Variants in MAP2 observed in about 807,000 individuals in gnomAD.
MAP2 encodes the protein microtubule associated protein 2, also known as microtubule-associated protein 2.
A neutral mutation model predicts 137.6 loss-of-function variants in MAP2; 14 were observed. The observed-to-expected ratio is 0.10, with a 90% CI of 0.07 to 0.16. The LOEUF is 0.16. MAP2 is among the 10% of genes least tolerant of loss of function. The pLI is 1.00. For missense variants in MAP2, 2,088 were observed against 2,191.5 expected (o/e 0.95, Z 0.94); for synonymous variants, 786 against 782.3 (o/e 1.00, Z -0.08).
chr2:209,532,825 T>C (rs2065328711), intron 2 of MAP2, among the ~76,000 whole-genome samples: 1 of 152,180 alleles, frequency 6.6e-6, no homozygotes, highest in East Asian at 1.9e-4. Flanking sequence ...TTATTTTAAT[T>C]AGCCAACAAA....
chr2:209,593,619 CAAAAAA>C (rs781329429), intron 3 of MAP2, among the ~76,000 whole-genome samples: 2 of 2,932 alleles, frequency 6.8e-4, no homozygotes, highest in African/African-American at 1.3e-3. Flanking sequence ...CCTGTCTCTA[CAAAAAA>C]AAAAAAAAAA....
At chr2:209,477,332 G>GA (rs1275082580) in intron 1 of MAP2, among the ~76,000 whole-genome samples, 13 of 150,506 alleles carry the variant, frequency 8.6e-5, no homozygotes, top group Admixed American at 1.3e-4. Flanking sequence ...ATGTTATATT[G>GA]AAAAAAAAGC....
intron 2 of MAP2, among the ~76,000 whole-genome samples, chr2:209,535,856 TCTC>T (rs1252049233): frequency 3.9e-5 from 6 of 152,300 alleles, no homozygotes; most frequent in African/African-American, 1.4e-4. Flanking sequence ...CTCATTGTCT[TCTC>T]CTATAAGCTG....
At chr2:209,674,457 G>A (rs1014947977) in intron 5 of MAP2, among the ~76,000 whole-genome samples, 1 of 151,702 alleles carries the variant, frequency 6.6e-6, no homozygotes, top group African/African-American at 2.4e-5. Flanking sequence ...TTATGGATAA[G>A]GCATCGAAGC....
At chr2:209,604,278 C>G (rs1222983363) in intron 3 of MAP2, among the ~76,000 whole-genome samples, 1 of 152,168 alleles carries the variant, frequency 6.6e-6, no homozygotes, top group East Asian at 1.9e-4. Flanking sequence ...ACCCTTGAAA[C>G]AAGAATGCCA....
intron 1 of MAP2, among the ~76,000 whole-genome samples, chr2:209,435,908 C>T (rs1385045245): frequency 3.8e-5 from 4 of 106,634 alleles, no homozygotes; most frequent in East Asian, 4.3e-4. Context: ...GGTTATGTCA[C>T]GTGCATGCCA....
chr2:209,633,851 A>G (rs2093325730), intron 4 of MAP2, among the ~76,000 whole-genome samples: 1 of 152,128 alleles, frequency 6.6e-6, no homozygotes, highest in Admixed American at 6.6e-5. Flanking sequence ...AATGAGGGCA[A>G]ATGAAGAGGG....
chr2:209,562,806 C>T lies in MAP2; in HGVS notation c.-171-17230C>T, dbSNP rs1482063625. On this transcript the variant is annotated intron_variant, in intron 2 of 15. Coordinates refer to ENST00000682079, the MANE Select transcript of MAP2 (RefSeq NM_001375505.1). ...TTGCACACCAGCTCAAATACCAAAA[C>T]AGAAATTTTTCTCTTTCTTGACTCC... Among the ~76,000 whole-genome samples the T allele has an allele frequency of 5.3e-5, 8 of 152,268 alleles. No individual in the cohort carries two copies. The South Asian group carries it at 1.5e-3, about 28-fold the overall frequency.
At chr2:209,485,391 A>G (rs578212427) in intron 1 of MAP2, among the ~76,000 whole-genome samples, 33 of 151,420 alleles carry the variant, frequency 2.2e-4, no homozygotes, top group African/African-American at 8.0e-4. Flanking sequence ...TTTTTTTTTT[A>G]TTGTGTCAGA....
chr2:209,534,980 A>G (rs961610507), intron 2 of MAP2, among the ~76,000 whole-genome samples: 2 of 78 alleles, frequency 0.026, no homozygotes, highest in Admixed American at 0.1. Context: ...ATTAACAGAT[A>G]TGTGCACCAT....
intron 13 of MAP2, among the ~76,000 whole-genome samples, chr2:209,713,007 G>A (rs1255493656): frequency 1.3e-5 from 2 of 152,090 alleles, no homozygotes; most frequent in African/African-American, 4.8e-5. Context: ...TCACGGGCCA[G>A]GTTTTGTAAT....
At chr2:209,647,995 T>C (rs920493860) in intron 4 of MAP2, among the ~76,000 whole-genome samples, 3 of 152,130 alleles carry the variant, frequency 2.0e-5, no homozygotes, top group African/African-American at 7.2e-5. Flanking sequence ...TAATATACCT[T>C]ACCTAGAAAG....
chr2:209,661,889 G>A (rs1406592552), intron 5 of MAP2, among the ~76,000 whole-genome samples: 1 of 152,148 alleles, frequency 6.6e-6, no homozygotes, highest in Non-Finnish European at 1.5e-5. Flanking sequence ...GGTATTGCCA[G>A]CCACAGCGTT....
intron 1 of MAP2, among the ~76,000 whole-genome samples, chr2:209,428,926 T>A (rs1171019944): frequency 3.4e-5 from 1 of 29,716 alleles, no homozygotes; most frequent in Non-Finnish European, 6.2e-5. Context: ...TATTTTATTT[T>A]ATTTATTTAT....
At chr2:209,513,093 T>C (rs1199298778) in intron 2 of MAP2, among the ~76,000 whole-genome samples, 2 of 152,084 alleles carry the variant, frequency 1.3e-5, no homozygotes, top group Non-Finnish European at 2.9e-5. Flanking sequence ...TTAAAAAAAG[T>C]GTAGAAAATG....
intron 2 of MAP2, among the ~76,000 whole-genome samples, chr2:209,539,533 C>T (rs529420317): frequency 6.6e-6 from 1 of 152,274 alleles, no homozygotes; most frequent in South Asian, 2.1e-4. Flanking sequence ...CTGAGATGCT[C>T]ATTTGAGTAT....
chr2:209,446,777 T>A (rs1699167778), intron 1 of MAP2, among the ~76,000 whole-genome samples: 1 of 151,860 alleles, frequency 6.6e-6, no homozygotes, highest in Admixed American at 6.6e-5. Flanking sequence ...CGGTGTAAAG[T>A]AGAAGGCTGC....
At chr2:209,566,716 T>G (rs186857998) in intron 2 of MAP2, among the ~76,000 whole-genome samples, 40 of 152,164 alleles carry the variant, frequency 2.6e-4, no homozygotes, top group African/African-American at 8.4e-4. Context: ...TCTTTGTTTT[T>G]TTGTTGTTGT....
At chr2:209,615,532 T>A (rs1048004248) in intron 3 of MAP2, among the ~76,000 whole-genome samples, 1 of 152,224 alleles carries the variant, frequency 6.6e-6, no homozygotes, top group Non-Finnish European at 1.5e-5. Context: ...ATTGACACTT[T>A]GCAATTTTCC....
Sources: allele counts gnomAD v4.1 joint callset (sites outside exome capture counted in the v4.1 genomes callset), GRCh38; gene constraint gnomAD v4.1.1; transcripts MANE v1.5; gene names NCBI Gene and HGNC (gene_info 2026-07-23, HGNC 2026-07-21).